Variants in L3MBTL4 observed in about 807,000 individuals in gnomAD.
L3MBTL4 encodes lethal(3)malignant brain tumor-like protein 4.
Under a neutral mutation model 84.5 loss-of-function variants are expected in L3MBTL4, and 70 were observed. The observed-to-expected ratio is 0.83, with a 90% CI of 0.68 to 1.01. The LOEUF is 1.01. L3MBTL4 is among the 50% of genes least tolerant of loss of function. The pLI is 0.00. For synonymous variants in L3MBTL4, 274 were observed against 259.8 expected (o/e 1.05, Z -0.52); for missense variants, 715 against 754.8 (o/e 0.95, Z 0.62).
intron 16 of L3MBTL4, among the ~76,000 whole-genome samples, chr18:6,057,894 A>G (rs2057081474): frequency 6.6e-6 from 1 of 152,222 alleles, no homozygotes; most frequent in Admixed American, 6.5e-5. Flanking sequence ...GCCTATTTTC[A>G]TATGGTATTG....
At chr18:6,223,296 C>A (rs948182178) in intron 10 of L3MBTL4, among the ~76,000 whole-genome samples, 2 of 152,078 alleles carry the variant, frequency 1.3e-5, no homozygotes, top group Non-Finnish European at 2.9e-5. Context: ...GTGTTCCCTT[C>A]TAAATGCCAA....
intron 13 of L3MBTL4, among the ~76,000 whole-genome samples, chr18:6,163,598 G>A (rs1027693159): frequency 6.6e-6 from 1 of 152,020 alleles, no homozygotes; most frequent in African/African-American, 2.4e-5. Context: ...CCAAATTCTA[G>A]GGACTGTAAT....
At chr18:6,224,412 C>G (rs1389331503) in intron 10 of L3MBTL4, among the ~76,000 whole-genome samples, 1 of 152,200 alleles carries the variant, frequency 6.6e-6, no homozygotes, top group African/African-American at 2.4e-5. Flanking sequence ...AGACACTGGT[C>G]TTAAAGTCTG....
intron 1 of L3MBTL4, among the ~76,000 whole-genome samples, chr18:6,410,043 G>A (rs2055900918): frequency 6.7e-6 from 1 of 150,356 alleles, no homozygotes. Context: ...TCACCTCCCT[G>A]ACTCCCACCT....
intron 17 of L3MBTL4, among the ~76,000 whole-genome samples, chr18:5,967,324 T>G (rs1466838830): frequency 1.3e-5 from 2 of 152,212 alleles, no homozygotes; most frequent in Non-Finnish European, 2.9e-5. Context: ...AACTTCCCCA[T>G]GAGTAAAATG....
In L3MBTL4 at chr18:6,336,579, G is replaced by T. The variant is rs1264929412; in HGVS notation, c.-90-24523C>A. ...GAATTCTCAGTAAATTCGTGGAGGG[G>T]AATGCTTGAGGAATAAGGTCCAACC... is the stretch of plus-strand genomic sequence containing the variant. On this transcript the variant is annotated intron_variant, in intron 1 of 18. Coordinates refer to ENST00000317931, the MANE Select transcript of L3MBTL4 (RefSeq NM_001330559.2). Among the ~76,000 whole-genome samples the T allele has an allele frequency of 3.7e-4, 57 of 152,160 alleles. 1 individual carries two copies. The highest frequency in any genetic ancestry group is 1.5e-5 in the Non-Finnish European group (1 of 68,022).
rs539550294 is a variant in L3MBTL4, at chr18:6,072,962, ATAATT to A, written c.1444+7914_1444+7918del. On this transcript the variant is annotated intron_variant, in intron 16 of 18. Coordinates refer to ENST00000317931, the MANE Select transcript of L3MBTL4 (RefSeq NM_001330559.2). The stretch of plus-strand genomic sequence containing the variant: ...TATTTAAAAACAAAATATCTAAGTA[ATAATT>A]TAAAGAAGTTAGAAAAATGACGGTA... Among the ~76,000 whole-genome samples the A allele has an allele frequency of 2.7e-3, 381 of 139,830 alleles. 4 individuals carry two copies. The highest frequency in any genetic ancestry group is 9.3e-3 in the African/African-American group (349 of 37,400). The allele number at this position is 139,830 out of a possible 152,430, so 91.7% of individuals were successfully genotyped here.
At chr18:6,106,473 A>G (rs2059011795) in intron 14 of L3MBTL4, among the ~76,000 whole-genome samples, 2 of 152,244 alleles carry the variant, frequency 1.3e-5, no homozygotes, top group Non-Finnish European at 2.9e-5. Context: ...AGAATAAAAC[A>G]TGGTGAAAAA....
chr18:6,228,389 T>G (rs2046861707), intron 10 of L3MBTL4, among the ~76,000 whole-genome samples: 1 of 152,040 alleles, frequency 6.6e-6, no homozygotes, highest in African/African-American at 2.4e-5. Context: ...AAAAATTAAT[T>G]AATTGGGCAT....
At chr18:6,232,725 T>A (rs538080589) in intron 10 of L3MBTL4, among the ~76,000 whole-genome samples, 1 of 152,160 alleles carries the variant, frequency 6.6e-6, no homozygotes, top group Non-Finnish European at 1.5e-5. Context: ...TTCTTTGTTA[T>A]GTCTGAATTT....
At chr18:6,275,165 G>GTAGC (rs1476486876) in intron 4 of L3MBTL4, among the ~76,000 whole-genome samples, 1 of 152,130 alleles carries the variant, frequency 6.6e-6, no homozygotes, top group East Asian at 1.9e-4. Flanking sequence ...GGGAGTGTGT[G>GTAGC]TAGCATGGGG....
chr18:6,250,068 C>A (rs996564171), intron 5 of L3MBTL4, among the ~76,000 whole-genome samples: 1 of 152,144 alleles, frequency 6.6e-6, no homozygotes, highest in African/African-American at 2.4e-5. Context: ...TCCAAAGAAG[C>A]GCCAGTGCTC....
At chr18:6,181,212 AG>A (rs1307429066) in intron 12 of L3MBTL4, among the ~76,000 whole-genome samples, 1 of 151,968 alleles carries the variant, frequency 6.6e-6, no homozygotes, top group Non-Finnish European at 1.5e-5. Flanking sequence ...ATTAGGTTCA[AG>A]GGTACAAATA....
At chr18:6,390,101 T>C (rs1181460997) in intron 1 of L3MBTL4, among the ~76,000 whole-genome samples, 2 of 152,092 alleles carry the variant, frequency 1.3e-5, no homozygotes, top group Admixed American at 6.6e-5. Flanking sequence ...TCAAGTATCT[T>C]TTCAGACCAC....
At chr18:5,976,982 T>C (rs960695034) in intron 16 of L3MBTL4, among the ~76,000 whole-genome samples, 3 of 152,122 alleles carry the variant, frequency 2.0e-5, no homozygotes, top group South Asian at 2.1e-4. Context: ...TAGGAGTCTC[T>C]GGACTCCGGA....
intron 16 of L3MBTL4, among the ~76,000 whole-genome samples, chr18:5,992,593 G>A (rs933483406): frequency 2.6e-5 from 4 of 152,182 alleles, no homozygotes; most frequent in African/African-American, 7.2e-5. Context: ...GGTGGGAAGT[G>A]TCTGAATTAT....
intron 1 of L3MBTL4, among the ~76,000 whole-genome samples, chr18:6,387,044 C>T (rs963057203): frequency 3.3e-5 from 5 of 152,042 alleles, no homozygotes; most frequent in Admixed American, 6.6e-5. Flanking sequence ...AGATACATTT[C>T]GAAGGTACAG....
At chr18:6,286,044 C>A (rs557722903) in intron 4 of L3MBTL4, among the ~76,000 whole-genome samples, 1 of 151,720 alleles carries the variant, frequency 6.6e-6, no homozygotes, top group African/African-American at 2.4e-5. Flanking sequence ...GTTGGCCATG[C>A]TGGTCTCAAT....
At chr18:6,257,080 A>T (rs2048175383) in intron 5 of L3MBTL4, among the ~76,000 whole-genome samples, 1 of 152,186 alleles carries the variant, frequency 6.6e-6, no homozygotes, top group African/African-American at 2.4e-5. Flanking sequence ...AGTACGCTGG[A>T]CACTTGATAT....
Sources: gnomAD v4.1 joint callset for allele counts (sites outside exome capture counted in the v4.1 genomes callset) on GRCh38, gnomAD v4.1.1 for gene constraint, MANE v1.5 for transcripts, NCBI Gene and HGNC (gene_info 2026-07-23, HGNC 2026-07-21) for gene names.